DECR1: variants seen among roughly 807,000 people sequenced by gnomAD.
DECR1 encodes the protein 2,4-dienoyl-CoA reductase [(3E)-enoyl-CoA-producing], mitochondrial.
In DECR1, 44 loss-of-function variants were observed where a neutral mutation model predicts 38.8. That is an observed-to-expected ratio of 1.13 (90% CI 0.89 to 1.46). DECR1 has a LOEUF of 1.46. Among genes scored for constraint, DECR1 ranks in the 40% most tolerant of loss-of-function variants. The pLI is 0.00. For missense variants in DECR1, 428 were observed against 405.5 expected (o/e 1.06, Z -0.48); for synonymous variants, 148 against 135.2 (o/e 1.09, Z -0.66).
chr8:90,029,307 T>C (rs535602544), intron 5 of DECR1: 1 of 152,184 alleles, frequency 6.6e-6, no homozygotes, highest in East Asian at 1.9e-4. Context: ...TTTTCTTACA[T>C]GTGAATGGAC....
rs1814113284 is a variant in DECR1, at chr8:90,052,091, T to G, written c.*194T>G. The G allele has an allele frequency of 1.0e-5, 5 of 480,828 alleles. No individual in the cohort carries two copies. The South Asian group carries it at 1.3e-4, about 13-fold the overall frequency. 29.8% of individuals were successfully genotyped at this position (480,828 alleles called of 1,614,324 possible). A position where few individuals can be genotyped will look rare whatever the true frequency, so the allele number is the denominator to read the frequency against. ...AAATGAAATATAGTCCTTCAAAACA[T>G]TAAAAAAAAAAAAAGGAGGCATGGG... On this transcript the variant is annotated 3_prime_UTR_variant, in exon 10 of 10. Transcript: ENST00000220764.
chr8:90,051,246 C>A (rs1267036296), intron 8 of DECR1, among the ~76,000 whole-genome samples: 1 of 150,336 alleles, frequency 6.7e-6, no homozygotes, highest in African/African-American at 2.5e-5. Context: ...AGGAAACTTA[C>A]AATTATGGCT....
intron 8 of DECR1, among the ~76,000 whole-genome samples, chr8:90,049,960 A>G (rs1004908262): frequency 3.3e-5 from 5 of 152,240 alleles, no homozygotes; most frequent in Non-Finnish European, 7.3e-5. Flanking sequence ...GTGCTGGGAA[A>G]ACTGGCTAGC....
At chr8:90,046,409 C>T (rs564127761) in intron 8 of DECR1, among the ~76,000 whole-genome samples, 1 of 152,246 alleles carries the variant, frequency 6.6e-6, no homozygotes, top group South Asian at 2.1e-4. Context: ...GCTTCAGTAG[C>T]TGATTCGATC....
intron 5 of DECR1, among the ~76,000 whole-genome samples, chr8:90,023,351 C>T (rs1477146410): frequency 6.6e-6 from 1 of 151,810 alleles, no homozygotes; most frequent in Non-Finnish European, 1.5e-5. Flanking sequence ...GATGTATTCC[C>T]TAGGAGCTTG....
At chr8:90,001,666 G>C in intron 1 of DECR1, 105 bp downstream of exon 1, 1 of 1,081,310 alleles carries the variant, frequency 9.2e-7, no homozygotes, top group South Asian at 1.4e-5. Context: ...AGGCATCCTG[G>C]GGCGCAAAGA....
intron 5 of DECR1, among the ~76,000 whole-genome samples, chr8:90,034,104 A>G (rs984774172): frequency 1.3e-5 from 2 of 152,126 alleles, no homozygotes; most frequent in Admixed American, 6.5e-5. Flanking sequence ...TATCCTCAAA[A>G]TGGTACTCCT....
At chr8:90,024,559 G>A (rs541376453) in intron 5 of DECR1, among the ~76,000 whole-genome samples, 1 of 152,172 alleles carries the variant, frequency 6.6e-6, no homozygotes, top group East Asian at 1.9e-4. Flanking sequence ...ACTTTTTGTT[G>A]GGGTTGTTTG....
intron 5 of DECR1, among the ~76,000 whole-genome samples, chr8:90,034,734 G>A (rs1813578614): frequency 1.3e-5 from 2 of 152,284 alleles, no homozygotes; most frequent in South Asian, 2.1e-4. Flanking sequence ...TTACAGGCAT[G>A]AGCCACTGTG....
intron 6 of DECR1, among the ~76,000 whole-genome samples, chr8:90,040,706 G>C (rs1219901815): frequency 1.3e-5 from 2 of 152,106 alleles, no homozygotes; most frequent in Non-Finnish European, 2.9e-5. Context: ...TCCCACTTAT[G>C]AGTAAGAACA....
intron 5 of DECR1, among the ~76,000 whole-genome samples, chr8:90,028,725 C>CT (rs145368485): frequency 3.6e-4 from 54 of 151,734 alleles, no homozygotes; most frequent in African/African-American, 1.2e-3. Context: ...CCCTTCCTTT[C>CT]TTTTTTTCCC....
At position 90,048,318 on chromosome 8, in the gene DECR1, A is replaced by G. The variant is rs186357551; in HGVS notation, c.885+3323A>G. 3.7e-3 allele frequency among the ~76,000 whole-genome samples: 562 copies of G among 152,328 alleles called. 4 individuals carry two copies. The highest frequency in any genetic ancestry group is 5.0e-3 in the Non-Finnish European group (341 of 68,040). Reference sequence around the variant, plus strand: ...ACTAATAAAGAAGAAAAGAGTGAAGAATCAAATAGATGCAATAAAAAATGA... The same window carrying G: ...ACTAATAAAGAAGAAAAGAGTGAAGGATCAAATAGATGCAATAAAAAATGA... On this transcript the variant is annotated intron_variant, in intron 8 of 9. Transcript: ENST00000220764.
intron 5 of DECR1, among the ~76,000 whole-genome samples, chr8:90,025,857 T>C (rs1203150996): frequency 1.3e-5 from 2 of 152,172 alleles, no homozygotes; most frequent in African/African-American, 4.8e-5. Flanking sequence ...TGGCTCTGGG[T>C]TTGTCATAAA....
chr8:90,008,377 C>T (rs1314901724), intron 1 of DECR1, among the ~76,000 whole-genome samples: 1 of 152,170 alleles, frequency 6.6e-6, no homozygotes. Flanking sequence ...TTTCTACTGC[C>T]CTCGGTATCT....
chr8:90,020,787 G>C, intron 4 of DECR1, 122 bp from the exon 5 acceptor site: 1 of 679,448 alleles, frequency 1.5e-6, no homozygotes, highest in African/African-American at 1.9e-5. Flanking sequence ...TTGTTTCGTA[G>C]GTAGCTGTGG....
intron 7 of DECR1, 119 bp from the exon 8 acceptor site, chr8:90,044,730 A>G (rs1379428918): frequency 9.3e-6 from 9 of 971,838 alleles, no homozygotes; most frequent in Non-Finnish European, 1.3e-5. Context: ...TTTTTTACTT[A>G]CAAAGCCTAA....
Position 90,018,979 on chromosome 8 carries a change from T to G in DECR1, c.330+13T>G. ...AACTGGAAATAAGGTACATTAAAAA[T>G]CAGTTATTTAATTTAGATTTAGGAA... On this transcript the variant is annotated intron_variant, in intron 3 of 9. Coordinates refer to ENST00000220764, the MANE Select transcript of DECR1 (RefSeq NM_001359.2). 1 of 1,586,466 alleles carries G rather than the reference T, an allele frequency of 6.3e-7. No individual in the cohort carries two copies. The highest frequency in any genetic ancestry group is 8.6e-7 in the Non-Finnish European group (1 of 1,159,328).
At chr8:90,014,094 A>G (rs1028252298) in intron 1 of DECR1, among the ~76,000 whole-genome samples, 6 of 152,202 alleles carry the variant, frequency 3.9e-5, no homozygotes, top group African/African-American at 1.4e-4. Flanking sequence ...AAGTTTTAAG[A>G]ATTTTAGGTC....
chr8:90,041,635 T>C (rs1278981791), intron 6 of DECR1, among the ~76,000 whole-genome samples: 1 of 152,212 alleles, frequency 6.6e-6, no homozygotes, highest in Non-Finnish European at 1.5e-5. Flanking sequence ...GTGCTTTTCC[T>C]GAGCAATTAG....
Sources: allele counts gnomAD v4.1 joint callset (sites outside exome capture counted in the v4.1 genomes callset), GRCh38; gene constraint gnomAD v4.1.1; transcripts MANE v1.5; gene names NCBI Gene and HGNC (gene_info 2026-07-23, HGNC 2026-07-21).